DPP10: variants seen among roughly 807,000 people sequenced by gnomAD.
The protein encoded by DPP10 is inactive dipeptidyl peptidase 10.
DPP10 carries 33 observed loss-of-function variants against 120.9 expected under a neutral mutation model. The ratio of observed to expected loss-of-function variants is 0.27; its 90% confidence interval spans 0.21 to 0.37. The LOEUF is 0.37. Ranked by LOEUF, DPP10 falls within the 10% of genes least tolerant of loss-of-function variation. The pLI, the probability that DPP10 is intolerant of heterozygous loss-of-function variation, is 1.00. For missense variants in DPP10, 816 were observed against 942.8 expected (o/e 0.87, Z 1.76); for synonymous variants, 337 against 326.1 (o/e 1.03, Z -0.36).
chr2:115,782,622 G>A (rs1020462393), intron 17 of DPP10, among the ~76,000 whole-genome samples: 3 of 151,972 alleles, frequency 2.0e-5, no homozygotes, highest in Non-Finnish European at 2.9e-5. Context: ...TTATATGCCC[G>A]AAATAGGATA....
At chr2:115,595,758 A>T (rs530556669) in intron 5 of DPP10, among the ~76,000 whole-genome samples, 1 of 151,978 alleles carries the variant, frequency 6.6e-6, no homozygotes, top group East Asian at 1.9e-4. Flanking sequence ...GTTTAGTTTT[A>T]TCCATCATTT....
chr2:115,839,442 G>A lies in DPP10; in HGVS notation c.2183-1308G>A, dbSNP rs145667288. 6.8e-3 allele frequency among the ~76,000 whole-genome samples: 1,035 copies of A among 152,136 alleles called. 7 individuals are homozygous for A. Among genetic ancestry groups the A allele is most frequent in the Non-Finnish European group, 9.7e-3 (658 of 67,978 alleles). On this transcript the variant is annotated intron_variant, in intron 24 of 25. Transcript: ENST00000410059. ...TGTAGTCCCAGCACTTTGGGAGACC[G>A]AGGCAGGCAGCTCACGAGGTCAGGA...
intron 5 of DPP10, among the ~76,000 whole-genome samples, chr2:115,652,462 T>C (rs1448217249): frequency 6.6e-6 from 1 of 150,734 alleles, no homozygotes; most frequent in African/African-American, 2.5e-5. Context: ...ATATATGTAT[T>C]CTCTAATACC....
intron 1 of DPP10, among the ~76,000 whole-genome samples, chr2:114,921,755 G>C (rs765807736): frequency 6.6e-6 from 1 of 152,178 alleles, no homozygotes; most frequent in African/African-American, 2.4e-5. Context: ...TTACTGCAAA[G>C]ATAATATCTG....
intron 1 of DPP10, among the ~76,000 whole-genome samples, chr2:115,298,707 A>C (rs770155571): frequency 4.2e-4 from 64 of 152,162 alleles, no homozygotes; most frequent in South Asian, 1.5e-3. Context: ...GCCTGTTAAA[A>C]GTGGCTGTTA....
chr2:114,606,695 G>A (rs1692833526), intron 1 of DPP10, among the ~76,000 whole-genome samples: 1 of 152,084 alleles, frequency 6.6e-6, no homozygotes, highest in African/African-American at 2.4e-5. Flanking sequence ...TCAGCAAAGT[G>A]GGAAGCTTAG....
At chr2:114,893,862 C>CT (rs1159715616) in intron 1 of DPP10, among the ~76,000 whole-genome samples, 3 of 152,080 alleles carry the variant, frequency 2.0e-5, no homozygotes, top group Non-Finnish European at 1.5e-5. Flanking sequence ...TGTCACTACC[C>CT]TTTTTTTCTG....
chr2:114,591,077 T>C (rs1486388553), intron 1 of DPP10, among the ~76,000 whole-genome samples: 1 of 151,992 alleles, frequency 6.6e-6, no homozygotes, highest in African/African-American at 2.4e-5. Flanking sequence ...GGAGGTGTAG[T>C]GAGGGGACAT....
At chr2:115,550,216 A>C (rs2079791562) in intron 5 of DPP10, among the ~76,000 whole-genome samples, 1 of 152,208 alleles carries the variant, frequency 6.6e-6, no homozygotes, top group Non-Finnish European at 1.5e-5. Context: ...TTTAATATGC[A>C]TGTGAAGTAT....
intron 1 of DPP10, among the ~76,000 whole-genome samples, chr2:114,656,969 A>T (rs1697010252): frequency 6.6e-6 from 1 of 152,188 alleles, no homozygotes; most frequent in African/African-American, 2.4e-5. Context: ...CACCGTTTTG[A>T]TCTCAGATCT....
chr2:115,067,786 C>T (rs1485161076), intron 1 of DPP10, among the ~76,000 whole-genome samples: 13 of 139,792 alleles, frequency 9.3e-5, no homozygotes, highest in African/African-American at 3.1e-4. Context: ...TGGCTGATCC[C>T]GGGAGGCGGA....
chr2:114,541,782 C>G (rs536084859), intron 1 of DPP10, among the ~76,000 whole-genome samples: 31 of 152,014 alleles, frequency 2.0e-4, no homozygotes, highest in Admixed American at 1.8e-3. Flanking sequence ...CATGCTTATG[C>G]CATATGTTGA....
chr2:114,620,554 A>G (rs1187679189), intron 1 of DPP10, among the ~76,000 whole-genome samples: 3 of 152,078 alleles, frequency 2.0e-5, no homozygotes, highest in Non-Finnish European at 2.9e-5. Flanking sequence ...AAAACCCTGT[A>G]TGTGCCTGCC....
intron 1 of DPP10, among the ~76,000 whole-genome samples, chr2:114,789,712 A>T (rs919905436): frequency 2.6e-5 from 4 of 152,216 alleles, no homozygotes; most frequent in Non-Finnish European, 4.4e-5. Context: ...TCTGATAAAT[A>T]AATACATTGA....
intron 5 of DPP10, chr2:115,579,058 A>G (rs569168663): frequency 1.3e-5 from 2 of 152,326 alleles, no homozygotes; most frequent in East Asian, 3.9e-4. Flanking sequence ...CATTTTATAA[A>G]TGTTAACTTA....
intron 1 of DPP10, among the ~76,000 whole-genome samples, chr2:115,285,798 T>G (rs1321192706): frequency 6.6e-6 from 1 of 152,042 alleles, no homozygotes. Flanking sequence ...TTAATTACAT[T>G]AGAGCTGCTT....
At chr2:115,691,877 T>C (rs1423627531) in intron 7 of DPP10, among the ~76,000 whole-genome samples, 1 of 152,166 alleles carries the variant, frequency 6.6e-6, no homozygotes, top group Non-Finnish European at 1.5e-5. Flanking sequence ...ATTTACACTT[T>C]ATCATTTTGG....
chr2:115,799,673 G>T (rs1214658755), intron 19 of DPP10, among the ~76,000 whole-genome samples: 1 of 146,546 alleles, frequency 6.8e-6, no homozygotes, highest in East Asian at 2.1e-4. Context: ...CTATGAGTGA[G>T]AACATGCGGT....
At chr2:115,305,218 G>A (rs961383031) in intron 1 of DPP10, among the ~76,000 whole-genome samples, 1 of 151,924 alleles carries the variant, frequency 6.6e-6, no homozygotes, top group African/African-American at 2.4e-5. Flanking sequence ...TGACCATGTT[G>A]CAAGTTCCTA....
Sources: allele counts gnomAD v4.1 joint callset (sites outside exome capture counted in the v4.1 genomes callset), GRCh38; gene constraint gnomAD v4.1.1; transcripts MANE v1.5; gene names NCBI Gene and HGNC (gene_info 2026-07-23, HGNC 2026-07-21).